The following DCP2 variants were observed in gnomAD, a reference collection of about 807,000 sequenced individuals.
The protein encoded by DCP2 is m7GpppN-mRNA hydrolase.
In DCP2, 30 loss-of-function variants were observed where a neutral mutation model predicts 56.1. The observed-to-expected ratio is 0.53, with a 90% CI of 0.40 to 0.73. The LOEUF is 0.73. Ranked by LOEUF, DCP2 falls within the 30% of genes least tolerant of loss-of-function variation. The pLI, the probability that DCP2 is intolerant of heterozygous loss-of-function variation, is 0.00. For missense variants in DCP2, 533 were observed against 502.7 expected (o/e 1.06, Z -0.58); for synonymous variants, 197 against 163.3 (o/e 1.21, Z -1.57).
chr5:112,993,180 C>T (rs2150177059), intron 4 of DCP2, among the ~76,000 whole-genome samples: 1 of 152,294 alleles, frequency 6.6e-6, no homozygotes, highest in East Asian at 1.9e-4. Flanking sequence ...CCCAGTAAGG[C>T]TTTCCACTGC....
In DCP2 at chr5:112,976,845, C is replaced by T. The variant is rs568771538; in HGVS notation, c.-89C>T. The T allele has an allele frequency of 4.9e-5, 68 of 1,394,642 alleles. No homozygotes were observed. The Admixed American group carries it at 8.9e-4, about 18-fold the overall frequency. The allele number at this position is 1,394,642 out of a possible 1,614,324, so 86.4% of individuals were successfully genotyped here. The stretch of plus-strand genomic sequence containing the variant: ...CTGCCGCGGCTTCCTCGGCTGCCAG[C>T]TCTCCGGCGAGCCGGAGTCCTAGTG... On this transcript the variant is annotated 5_prime_UTR_variant, in exon 1 of 11. Transcript: ENST00000389063.
Position 113,015,565 on chromosome 5 carries a change from G to C in DCP2, c.*2081G>C, listed in dbSNP as rs1422211913. On this transcript the variant is annotated 3_prime_UTR_variant, in exon 11 of 11. Coordinates refer to ENST00000389063, the MANE Select transcript of DCP2 (RefSeq NM_152624.6). The stretch of plus-strand genomic sequence containing the variant: ...TATGGTTAAATGTTACTGCTGTTGC[G>C]CTGCTTTATTTAATGCACTGTGGAA... 1 of 152,448 alleles carries C rather than the reference G, an allele frequency of 6.6e-6. No homozygotes were observed. Among genetic ancestry groups the C allele is most frequent in the Non-Finnish European group, 1.5e-5 (1 of 67,998 alleles). The allele number at this position is 152,448 out of a possible 1,614,324, so 9.4% of individuals were successfully genotyped here.
chr5:112,984,195 C>G (rs1427738684), intron 1 of DCP2: 1 of 152,128 alleles, frequency 6.6e-6, no homozygotes, highest in Non-Finnish European at 1.5e-5. Context: ...ACTGATGAAT[C>G]TGAATTGTGG....
chr5:112,996,592 C>G (rs1003127738), intron 4 of DCP2, among the ~76,000 whole-genome samples: 1 of 152,192 alleles, frequency 6.6e-6, no homozygotes, highest in African/African-American at 2.4e-5. Context: ...TTTGACACAT[C>G]CTCAAACAGG....
intron 2 of DCP2, among the ~76,000 whole-genome samples, chr5:112,988,813 C>T: frequency 6.6e-6 from 1 of 152,172 alleles, no homozygotes; most frequent in East Asian, 1.9e-4. Context: ...CTAAGATAAC[C>T]AAGTCCTCTT....
Position 113,013,345 on chromosome 5 carries a change from C to T in DCP2, c.1124C>T (p.Ser375Phe), listed in dbSNP as rs760045840. 6.2e-7 allele frequency: 1 copy of T among 1,613,998 alleles called. No individual in the cohort carries two copies. Among genetic ancestry groups the T allele is most frequent in the Non-Finnish European group, 8.5e-7 (1 of 1,179,926 alleles). ...ETDAVYDLPS[S>F]SEDQLLEHAE... ...GATGCTGTATATGACTTGCCTAGCT[C>T]CAGTGAAGACCAGTTGCTAGAACAT... is the stretch of plus-strand genomic sequence containing the variant. The change falls in exon 11 of 11, where the codon TCC (serine) becomes TTC (phenylalanine). Residue 375 changes from serine to phenylalanine, a missense_variant. By Grantham distance (155) the Ser-to-Phe change is radical. Transcript: ENST00000389063.
At chr5:112,991,028 G>A (rs773945369) in intron 2 of DCP2, among the ~76,000 whole-genome samples, 5 of 151,766 alleles carry the variant, frequency 3.3e-5, no homozygotes, top group Non-Finnish European at 7.4e-5. Flanking sequence ...ATATTATGTC[G>A]TATGTCATTT....
chr5:112,993,713 C>G (rs1291912760), intron 4 of DCP2, among the ~76,000 whole-genome samples: 2 of 149,912 alleles, frequency 1.3e-5, no homozygotes, highest in Non-Finnish European at 3.0e-5. Context: ...TCCTTCTGTT[C>G]AGCTCCTATC....
At position 113,021,853 on chromosome 5, in the gene DCP2, A is replaced by T. The variant is rs1030603728; in HGVS notation, c.*8369A>T. ...CATTCCATTTTAATGATCTTTCTTT[A>T]AGAGGGGAAAAGACTCTCTTCAATA... On this transcript the variant is annotated 3_prime_UTR_variant, in exon 11 of 11. Coordinates refer to ENST00000389063, the MANE Select transcript of DCP2 (RefSeq NM_152624.6). 2.0e-5 allele frequency among the ~76,000 whole-genome samples: 3 copies of T among 152,164 alleles called. No individual in the cohort carries two copies. Among genetic ancestry groups the T allele is most frequent in the Non-Finnish European group, 4.4e-5 (3 of 68,028 alleles).
intron 4 of DCP2, among the ~76,000 whole-genome samples, chr5:112,996,722 G>A (rs574491825): frequency 8.6e-5 from 13 of 151,884 alleles, no homozygotes; most frequent in Non-Finnish European, 1.6e-4. Context: ...CTTTTTTTTG[G>A]GGGCAATCTT....
chr5:113,004,508 G>T (rs911741284), intron 8 of DCP2, among the ~76,000 whole-genome samples: 2 of 152,182 alleles, frequency 1.3e-5, no homozygotes, highest in African/African-American at 4.8e-5. Flanking sequence ...AAGCACCACA[G>T]TTTATTTATT....
Position 113,004,027 on chromosome 5 carries a change from C to T in DCP2, c.892C>T (p.Gln298Ter). The stretch of plus-strand genomic sequence containing the variant: ...GGTAAAGCACAGGCAACCACTGCAG[C>T]AAAAGCCATATAATAATCATTCTGA... Reference protein sequence around the residue: ...QWVKHRQPLQQKPYNNHSEMS... With the variant: ...QWVKHRQPLQ Residue 298 changes from glutamine to a stop codon, truncating the protein, a stop_gained, in exon 8 of 11, where the codon CAA (glutamine) becomes TAA (stop). Transcript: ENST00000389063. LOFTEE classifies it high-confidence loss of function. The T allele has an allele frequency of 6.2e-7, 1 of 1,614,014 alleles. No individual in the cohort carries two copies. The highest frequency in any genetic ancestry group is 8.5e-7 in the Non-Finnish European group (1 of 1,179,974).
chr5:113,000,420 A>ACC (rs61439631), intron 4 of DCP2, among the ~76,000 whole-genome samples: 8,199 of 146,536 alleles, frequency 0.056, 797 homozygotes, highest in African/African-American at 0.19. Context: ...ACACACACAC[A>ACC]CACACCCACA....
At chr5:112,997,063 T>C (rs965701889) in intron 4 of DCP2, among the ~76,000 whole-genome samples, 1 of 152,248 alleles carries the variant, frequency 6.6e-6, no homozygotes, top group African/African-American at 2.4e-5. Flanking sequence ...TTCCTTATCA[T>C]GCTAACTGAA....
intron 1 of DCP2, among the ~76,000 whole-genome samples, chr5:112,980,140 A>G (rs965196067): frequency 2.6e-5 from 4 of 152,328 alleles, no homozygotes; most frequent in African/African-American, 4.8e-5. Flanking sequence ...TTAAAACTCA[A>G]ATACAGAGTT....
chr5:113,000,135 T>G (rs1158941663), intron 4 of DCP2, among the ~76,000 whole-genome samples: 1 of 152,048 alleles, frequency 6.6e-6, no homozygotes, highest in Admixed American at 6.6e-5. Flanking sequence ...TTATCTACAT[T>G]TTTTTGTATA....
Position 112,982,022 on chromosome 5 carries a change from C to T in DCP2, c.54-3813C>T, listed in dbSNP as rs933233111. 2.6e-5 allele frequency among the ~76,000 whole-genome samples: 4 copies of T among 152,328 alleles called. No homozygotes were observed. The East Asian group carries it at 7.7e-4, about 29-fold the overall frequency. On this transcript the variant is annotated intron_variant, in intron 1 of 10. Coordinates refer to ENST00000389063, the MANE Select transcript of DCP2 (RefSeq NM_152624.6). ...ACCTCAGGTGATCCGCCTGCCATGG[C>T]CTCCCAAAGTGCTGGGATTACAGGC...
chr5:113,020,617 G>A lies in DCP2; in HGVS notation c.*7133G>A, dbSNP rs1415669309. Reference sequence around the variant, plus strand: ...CGAAAGGATAAAGACTACCTGTATTGTTGGGTATGACTATCAAAGGATTTC... The same window carrying A: ...CGAAAGGATAAAGACTACCTGTATTATTGGGTATGACTATCAAAGGATTTC... On this transcript the variant is annotated 3_prime_UTR_variant, in exon 11 of 11. Coordinates refer to ENST00000389063, the MANE Select transcript of DCP2 (RefSeq NM_152624.6). 6.6e-6 allele frequency: 1 copy of A among 152,132 alleles called. No homozygotes were observed. The highest frequency in any genetic ancestry group is 2.4e-5 in the African/African-American group (1 of 41,420). 9.4% of individuals were successfully genotyped at this position (152,132 alleles called of 1,614,324 possible).
chr5:113,013,727 G>T lies in DCP2; in HGVS notation c.*243G>T. ...TACAAGTTTAAGTTGCTTTCTTTGA[G>T]GGCATTTATTCTGTGTGACTGTGGG... On this transcript the variant is annotated 3_prime_UTR_variant, in exon 11 of 11. Transcript: ENST00000389063. 2.5e-6 allele frequency: 1 copy of T among 403,260 alleles called. No homozygotes were observed. The highest frequency in any genetic ancestry group is 4.1e-5 in the Admixed American group (1 of 24,562). 25.0% of individuals were successfully genotyped at this position (403,260 alleles called of 1,614,324 possible).
Sources: gnomAD v4.1 joint callset for allele counts (sites outside exome capture counted in the v4.1 genomes callset) on GRCh38, gnomAD v4.1.1 for gene constraint, MANE v1.5 for transcripts, NCBI Gene and HGNC (gene_info 2026-07-23, HGNC 2026-07-21) for gene names.